NUS1: variants seen among roughly 807,000 people sequenced by gnomAD.
NUS1 encodes the protein NUS1 dehydrodolichyl diphosphate synthase subunit.
For missense variants in NUS1, 292 were observed against 382.9 expected, an observed-to-expected ratio of 0.76 and a Z score of 1.98; for synonymous variants, 135 against 155.2, an observed-to-expected ratio of 0.87 and a Z score of 0.97.
chr6:117,701,479 C>T (rs1321936074), intron 3 of NUS1, among the ~76,000 whole-genome samples: 1 of 152,042 alleles, frequency 6.6e-6, no homozygotes, highest in African/African-American at 2.4e-5. Context: ...CTCCTGACCT[C>T]GTGATCCACC....
intron 3 of NUS1, among the ~76,000 whole-genome samples, chr6:117,695,216 A>AAG (rs1554202140): frequency 7.9e-5 from 12 of 151,478 alleles, no homozygotes; most frequent in African/African-American, 2.9e-4. Flanking sequence ...AAAAAAAAAA[A>AAG]AAAAAGAAAA....
intron 1 of NUS1, among the ~76,000 whole-genome samples, chr6:117,686,187 G>A (rs1056748902): frequency 2.6e-5 from 4 of 151,666 alleles, no homozygotes; most frequent in African/African-American, 4.8e-5. Context: ...CGTGAACCCA[G>A]GAGAAGAGCT....
intron 3 of NUS1, among the ~76,000 whole-genome samples, chr6:117,698,322 G>A (rs1273338718): frequency 2.0e-5 from 3 of 152,028 alleles, no homozygotes; most frequent in Admixed American, 6.6e-5. Flanking sequence ...AATAAAATCA[G>A]AGATGGAAAG....
At chr6:117,703,510 AT>A (rs1773458366) in intron 3 of NUS1, 94 bp from the exon 4 acceptor site, 2 of 902,110 alleles carry the variant, frequency 2.2e-6, no homozygotes, top group Non-Finnish European at 3.6e-6. Flanking sequence ...AACCAATTTG[AT>A]TAATACATTT....
chr6:117,700,838 G>A (rs2114692073), intron 3 of NUS1, among the ~76,000 whole-genome samples: 1 of 152,178 alleles, frequency 6.6e-6, no homozygotes, highest in East Asian at 1.9e-4. Context: ...TATGTTAAAT[G>A]AAATAAGCCT....
intron 3 of NUS1, among the ~76,000 whole-genome samples, chr6:117,702,939 AC>A (rs1346423651): frequency 6.6e-6 from 1 of 152,074 alleles, no homozygotes; most frequent in Non-Finnish European, 1.5e-5. Context: ...CTATTGAAAT[AC>A]CCTTGTCCTT....
In NUS1 at chr6:117,695,827, GT is replaced by G. The variant is rs1033203751; in HGVS notation, c.691+1648del. 1.8e-3 allele frequency among the ~76,000 whole-genome samples: 274 copies of G among 152,062 alleles called. 1 individual carries two copies. The highest frequency in any genetic ancestry group is 6.2e-3 in the African/African-American group (258 of 41,478). On this transcript the variant is annotated intron_variant, in intron 3 of 4. Transcript: ENST00000368494. Reference sequence around the variant, plus strand: ...AGTCATACAATATATAGTCTTTTATGTCTTGCTTTGTTTACTTACCATATTT... The same window carrying G: ...AGTCATACAATATATAGTCTTTTATGCTTGCTTTGTTTACTTACCATATTT...
Position 117,708,070 on chromosome 6 carries a change from T to G in NUS1, c.*1055T>G, listed in dbSNP as rs1308054920. On this transcript the variant is annotated 3_prime_UTR_variant, in exon 5 of 5. Transcript: ENST00000368494. Reference sequence around the variant, plus strand: ...CCTGTTCCTCTTTGGAATAGCACATTTTAGGGGCATGGTTAATACCTGAGA... The same window carrying G: ...CCTGTTCCTCTTTGGAATAGCACATGTTAGGGGCATGGTTAATACCTGAGA... 1 of 152,152 alleles carries G rather than the reference T, an allele frequency of 6.6e-6. No individual in the cohort carries two copies. Among genetic ancestry groups the G allele is most frequent in the Non-Finnish European group, 1.5e-5 (1 of 68,020 alleles). The allele number at this position is 152,152 out of a possible 1,614,324, so 9.4% of individuals were successfully genotyped here. A position where few individuals can be genotyped will look rare whatever the true frequency, so the allele number is the denominator to read the frequency against.
chr6:117,677,251 C>T (rs1019948415), intron 1 of NUS1, among the ~76,000 whole-genome samples: 1 of 152,090 alleles, frequency 6.6e-6, no homozygotes, highest in Non-Finnish European at 1.5e-5. Context: ...TGGTTAATAA[C>T]AAGAAGTGTT....
intron 1 of NUS1, among the ~76,000 whole-genome samples, chr6:117,686,086 C>T (rs1294458805): frequency 6.6e-6 from 1 of 151,710 alleles, no homozygotes; most frequent in African/African-American, 2.4e-5. Context: ...ACGGTGAAAC[C>T]CCGTCTCTAC....
In NUS1 at chr6:117,708,190, A is replaced by T. The variant is rs1312987303; in HGVS notation, c.*1175A>T. The T allele has an allele frequency of 2.0e-5, 3 of 152,704 alleles. No homozygotes were observed. Among genetic ancestry groups the T allele is most frequent in the African/African-American group, 7.2e-5 (3 of 41,478 alleles). 9.5% of individuals were successfully genotyped at this position (152,704 alleles called of 1,614,324 possible). Reference sequence around the variant, plus strand: ...GGGGAATAAAATATTACCAAAGTCTATAAAAATAAATTTTACATGTTCTCT... The same window carrying T: ...GGGGAATAAAATATTACCAAAGTCTTTAAAAATAAATTTTACATGTTCTCT... On this transcript the variant is annotated 3_prime_UTR_variant, in exon 5 of 5. Coordinates refer to ENST00000368494, the MANE Select transcript of NUS1 (RefSeq NM_138459.5).
intron 3 of NUS1, 81 bp from the exon 4 acceptor site, chr6:117,703,524 C>G (rs1316904248): frequency 9.8e-7 from 1 of 1,019,440 alleles, no homozygotes; most frequent in African/African-American, 1.6e-5. Flanking sequence ...ATACATTTTG[C>G]CCATGATCTG....
At chr6:117,687,837 G>A (rs1174247744) in intron 1 of NUS1, among the ~76,000 whole-genome samples, 2 of 152,318 alleles carry the variant, frequency 1.3e-5, no homozygotes, top group South Asian at 2.1e-4. Context: ...AAGTTGGAAT[G>A]TGCCAGGATT....
chr6:117,710,074 AT>A lies in NUS1; in HGVS notation c.*3064del. ...AAATTCCACAGTAATTAAAATTTGAATTTTTACCGAATATGAAATTTCCAAA... is the reference window on the plus strand; with the variant it reads ...AAATTCCACAGTAATTAAAATTTGAATTTTACCGAATATGAAATTTCCAAA... On this transcript the variant is annotated 3_prime_UTR_variant, in exon 5 of 5. Coordinates refer to ENST00000368494, the MANE Select transcript of NUS1 (RefSeq NM_138459.5). 1 of 152,268 alleles carries A rather than the reference AT, an allele frequency of 6.6e-6. No homozygotes were observed. Among genetic ancestry groups the A allele is most frequent in the African/African-American group, 2.4e-5 (1 of 41,574 alleles). The allele number at this position is 152,268 out of a possible 1,614,324, so 9.4% of individuals were successfully genotyped here. A position where few individuals can be genotyped will look rare whatever the true frequency, so the allele number is the denominator to read the frequency against.
Position 117,691,558 on chromosome 6 carries a change from G to GATATATATATATAT in NUS1, c.416-1468_416-1455dup, listed in dbSNP as rs60775803. ...CAGCAGGTTCTGTGCCATAGATATA[G>GATATATATATATAT]ATATATATATATATATATATATATA... On this transcript the variant is annotated intron_variant, in intron 1 of 4. Transcript: ENST00000368494. Among the ~76,000 whole-genome samples the GATATATATATATAT allele has an allele frequency of 5.9e-3, 803 of 136,808 alleles. 4 individuals carry two copies. The highest frequency in any genetic ancestry group is 9.5e-3 in the South Asian group (40 of 4,202). 89.8% of individuals were successfully genotyped at this position (136,808 alleles called of 152,430 possible).
chr6:117,677,054 C>T (rs768805360), intron 1 of NUS1, among the ~76,000 whole-genome samples: 4 of 152,134 alleles, frequency 2.6e-5, no homozygotes, highest in African/African-American at 9.7e-5. Context: ...TAGAATTGTC[C>T]TCTCATATGT....
Position 117,691,558 on chromosome 6 carries a change from G to GATATATATATATATAT in NUS1, c.416-1470_416-1455dup, listed in dbSNP as rs60775803. Among the ~76,000 whole-genome samples the GATATATATATATATAT allele has an allele frequency of 4.8e-3, 661 of 136,816 alleles. 1 individual carries two copies. The highest frequency in any genetic ancestry group is 6.8e-3 in the East Asian group (32 of 4,730). The allele number at this position is 136,816 out of a possible 152,430, so 89.8% of individuals were successfully genotyped here. A position where few individuals can be genotyped will look rare whatever the true frequency, so the allele number is the denominator to read the frequency against. The stretch of plus-strand genomic sequence containing the variant: ...CAGCAGGTTCTGTGCCATAGATATA[G>GATATATATATATATAT]ATATATATATATATATATATATATA... On this transcript the variant is annotated intron_variant, in intron 1 of 4. Transcript: ENST00000368494.
At chr6:117,684,598 C>T (rs566953580) in intron 1 of NUS1, among the ~76,000 whole-genome samples, 9 of 152,270 alleles carry the variant, frequency 5.9e-5, no homozygotes, top group South Asian at 2.1e-4. Context: ...AACAGCTTCT[C>T]GTTGTAGTTG....
chr6:117,703,100 C>G (rs1194455898), intron 3 of NUS1, among the ~76,000 whole-genome samples: 1 of 152,064 alleles, frequency 6.6e-6, no homozygotes, highest in East Asian at 1.9e-4. Flanking sequence ...TGATGTATGG[C>G]TAGGAGTTGG....
Sources: allele counts gnomAD v4.1 joint callset (sites outside exome capture counted in the v4.1 genomes callset), GRCh38; gene constraint gnomAD v4.1.1; transcripts MANE v1.5; gene names NCBI Gene and HGNC (gene_info 2026-07-23, HGNC 2026-07-21).